ASTN2: variants seen among roughly 807,000 people sequenced by gnomAD.
The protein encoded by ASTN2 is astrotactin 2, also known as astrotactin-2.
ASTN2 carries 54 observed loss-of-function variants against 139.8 expected under a neutral mutation model. The ratio of observed to expected loss-of-function variants is 0.39; its 90% CI spans 0.31 to 0.48. ASTN2 has a LOEUF of 0.48. Ranked by LOEUF, ASTN2 falls within the 20% of genes least tolerant of loss-of-function variation. The probability of loss-of-function intolerance (pLI) is 0.95; values close to 1 mark genes in which losing one functional copy is unlikely to be tolerated. For synonymous variants in ASTN2, 756 were observed against 719.5 expected (o/e 1.05, Z -0.81); for missense variants, 1,565 against 1,725.1 (o/e 0.91, Z 1.64).
intron 19 of ASTN2, among the ~76,000 whole-genome samples, chr9:116,512,857 A>T (rs978193303): frequency 1.3e-5 from 2 of 152,126 alleles, no homozygotes; most frequent in African/African-American, 4.8e-5. Flanking sequence ...TGCTTGGCAG[A>T]TCTTCCTCCA....
intron 5 of ASTN2, among the ~76,000 whole-genome samples, chr9:117,046,240 A>G (rs1367558292): frequency 6.6e-6 from 1 of 152,062 alleles, no homozygotes; most frequent in African/African-American, 2.4e-5. Context: ...ACCTCAGGTG[A>G]TCTGCCTGCC....
chr9:116,721,415 A>G (rs1828470100), intron 16 of ASTN2, among the ~76,000 whole-genome samples: 1 of 152,216 alleles, frequency 6.6e-6, no homozygotes, highest in South Asian at 2.1e-4. Flanking sequence ...GAATGCGTGA[A>G]TATCAAGTCA....
intron 7 of ASTN2, among the ~76,000 whole-genome samples, chr9:117,004,944 T>C (rs1588473818): frequency 6.6e-6 from 1 of 152,296 alleles, no homozygotes; most frequent in East Asian, 1.9e-4. Context: ...AATAAGATAC[T>C]ACCCATTTAA....
intron 2 of ASTN2, among the ~76,000 whole-genome samples, chr9:117,272,718 CA>C (rs1197414322): frequency 2.0e-5 from 3 of 152,192 alleles, no homozygotes; most frequent in Admixed American, 6.5e-5. Flanking sequence ...AAAATGCTGC[CA>C]GTCTCTTCAC....
chr9:117,166,810 G>T (rs995959564), intron 3 of ASTN2, among the ~76,000 whole-genome samples: 4 of 151,944 alleles, frequency 2.6e-5, no homozygotes, highest in Admixed American at 6.6e-5. Flanking sequence ...ACTCCCCTAG[G>T]ATCAAATAAG....
intron 10 of ASTN2, among the ~76,000 whole-genome samples, chr9:116,891,963 C>G (rs4837994): frequency 0.99 from 150,475 of 152,298 alleles, 74,368 homozygotes; most frequent in East Asian, 1. Context: ...AGATGGAAAA[C>G]CCTGTAGTGT....
chr9:117,403,674 G>C (rs1391057471), intron 1 of ASTN2, among the ~76,000 whole-genome samples: 1 of 152,088 alleles, frequency 6.6e-6, no homozygotes, highest in East Asian at 1.9e-4. Context: ...TGCTTGCAAA[G>C]CCACTCGTGA....
At chr9:116,958,316 C>T (rs7025849) in intron 10 of ASTN2, among the ~76,000 whole-genome samples, 1 of 151,950 alleles carries the variant, frequency 6.6e-6, no homozygotes, top group Admixed American at 6.6e-5. Context: ...ACTGGCCGGG[C>T]GTGGTGGCTC....
chr9:117,086,310 C>T lies in ASTN2; in HGVS notation c.1276+9734G>A, dbSNP rs113386150. 3.8e-3 allele frequency among the ~76,000 whole-genome samples: 572 copies of T among 152,286 alleles called. 3 individuals carry two copies. Among genetic ancestry groups the T allele is most frequent in the African/African-American group, 0.013 (541 of 41,550 alleles). On this transcript the variant is annotated intron_variant, in intron 5 of 22. Coordinates refer to ENST00000313400, the MANE Select transcript of ASTN2 (RefSeq NM_001365068.1). ...CAAGTCTTGGCCGGGTGCGGTGGCT[C>T]ACGCCTGTAATCCCAGCACTTTGGG...
At chr9:117,079,629 CT>C (rs1307585475) in intron 5 of ASTN2, among the ~76,000 whole-genome samples, 1 of 152,036 alleles carries the variant, frequency 6.6e-6, no homozygotes, top group Non-Finnish European at 1.5e-5. Flanking sequence ...TTTGATTTTT[CT>C]TTCTCTTTCT....
At chr9:116,602,751 A>C (rs1342010820) in intron 19 of ASTN2, among the ~76,000 whole-genome samples, 1 of 152,142 alleles carries the variant, frequency 6.6e-6, no homozygotes, top group Non-Finnish European at 1.5e-5. Flanking sequence ...CAACATGATG[A>C]ATCCCTGTCT....
chr9:116,579,565 TTAGTGTCTGGCCC>T, intron 19 of ASTN2, among the ~76,000 whole-genome samples: 1 of 152,274 alleles, frequency 6.6e-6, no homozygotes, highest in African/African-American at 2.4e-5. Context: ...AACATTATAC[TTAGTGTCTGGCCC>T]TAAGGGCTAA....
At chr9:116,883,303 G>A (rs1166414559) in intron 10 of ASTN2, among the ~76,000 whole-genome samples, 2 of 152,176 alleles carry the variant, frequency 1.3e-5, no homozygotes, top group Non-Finnish European at 2.9e-5. Flanking sequence ...ATAAACACAT[G>A]AATGCACATG....
chr9:116,940,801 C>G (rs1835204487), intron 10 of ASTN2, among the ~76,000 whole-genome samples: 1 of 152,170 alleles, frequency 6.6e-6, no homozygotes, highest in Non-Finnish European at 1.5e-5. Context: ...ACTACTCACT[C>G]ACTGACTCAC....
rs962313321 is a variant in ASTN2 at position 116,487,400 on chromosome 9, G to A, written c.3456C>T (p.Tyr1152=). 1.9e-6 allele frequency: 3 copies of A among 1,614,096 alleles called. No individual in the cohort carries two copies. The highest frequency in any genetic ancestry group is 2.2e-5 in the East Asian group (1 of 44,874). ...SHGEVPEVSI[Y]SVIFKCLEPD... Reference sequence around the variant, plus strand: ...GCTCCAGACACTTGAAGATGACTGAGTAGATACTGACTTCAGGGACCTCTC... The same window carrying A: ...GCTCCAGACACTTGAAGATGACTGAATAGATACTGACTTCAGGGACCTCTC... The change falls in exon 20 of 23, where the codon TAC becomes TAT. Residue 1152 remains tyrosine, a synonymous_variant. Transcript: ENST00000313400.
At chr9:117,211,976 T>C (rs574622731) in intron 3 of ASTN2, among the ~76,000 whole-genome samples, 169 of 151,956 alleles carry the variant, frequency 1.1e-3, no homozygotes, top group African/African-American at 4.0e-3. Flanking sequence ...ATTGGAAGTA[T>C]CACACTTTCA....
rs1847252068 is a variant in ASTN2, at chr9:116,424,401, A to G, written c.*1450T>C. On this transcript the variant is annotated 3_prime_UTR_variant, in exon 23 of 23. Transcript: ENST00000313400. ...TGACTATTTAGTCATATAAATAGTC[A>G]TGGATGCTTCAAGGCAGCATCAAGC... Among the ~76,000 whole-genome samples, 3 of 152,132 alleles carry G rather than the reference A, an allele frequency of 2.0e-5. No homozygotes were observed. Among genetic ancestry groups the G allele is most frequent in the Non-Finnish European group, 4.4e-5 (3 of 68,026 alleles).
At chr9:117,186,371 C>T (rs560035657) in intron 3 of ASTN2, among the ~76,000 whole-genome samples, 3 of 124,638 alleles carry the variant, frequency 2.4e-5, no homozygotes, top group African/African-American at 8.6e-5. Flanking sequence ...ACGGTGAAAA[C>T]CCGTCTCTAC....
At chr9:116,788,181 C>A (rs886543478) in intron 13 of ASTN2, among the ~76,000 whole-genome samples, 1 of 151,734 alleles carries the variant, frequency 6.6e-6, no homozygotes, top group South Asian at 2.1e-4. Flanking sequence ...TGAGGAATTG[C>A]GGGGAGATGA....
Sources: gnomAD v4.1 joint callset for allele counts (sites outside exome capture counted in the v4.1 genomes callset) on GRCh38, gnomAD v4.1.1 for gene constraint, MANE v1.5 for transcripts, NCBI Gene and HGNC (gene_info 2026-07-23, HGNC 2026-07-21) for gene names.